RRM2B: variants seen among roughly 807,000 people sequenced by gnomAD.
The protein encoded by RRM2B is ribonucleoside-diphosphate reductase subunit M2 B.
Under a neutral mutation model 45.9 loss-of-function variants are expected in RRM2B, and 20 were observed. That is an observed-to-expected ratio of 0.44 (90% CI 0.31 to 0.63). The LOEUF is 0.63. Among genes scored for constraint, RRM2B ranks in the 30% least tolerant of loss-of-function variants. RRM2B has a pLI of 0.09. For synonymous variants in RRM2B, 124 were observed against 132.3 expected, an observed-to-expected ratio of 0.94 and a Z score of 0.43; for missense variants, 320 against 414.7, an observed-to-expected ratio of 0.77 and a Z score of 1.98.
At chr8:102,231,881 A>G (rs543414161) in intron 2 of RRM2B, among the ~76,000 whole-genome samples, 6 of 151,878 alleles carry the variant, frequency 4.0e-5, no homozygotes, top group South Asian at 4.1e-4. Flanking sequence ...AAAAAAAAAA[A>G]AAAAAGAAAA....
intron 2 of RRM2B, among the ~76,000 whole-genome samples, chr8:102,229,256 AC>A (rs1810986491): frequency 6.7e-6 from 1 of 150,370 alleles, no homozygotes; most frequent in Non-Finnish European, 1.5e-5. Flanking sequence ...TGTCTCAAAA[AC>A]AAAACAACAA....
rs1395600867 is a variant in RRM2B, at chr8:102,232,261, T to C, written c.92A>G (p.Glu31Gly). The change falls in exon 2 of 9, where the codon GAA becomes GGA. Residue 31 changes from glutamate (E) to glycine (G), a missense_variant. Physicochemically the swap from Glu to Gly is moderately conservative, Grantham distance 98. This residue lies in a region of RRM2B where 225 missense variants were observed against 289.4 expected (regional missense o/e 0.78). Transcript: ENST00000251810. Reference protein sequence around the residue: ...DTNESEIKSNEEPLLRKSSRR... With the variant: ...DTNESEIKSNGEPLLRKSSRR... Reference sequence around the variant, plus strand: ...AGAACTCTTTCTTAGGAGTGGCTCTTCATTTGACTTTATTTCACTTTCGTT... The same window carrying C: ...AGAACTCTTTCTTAGGAGTGGCTCTCCATTTGACTTTATTTCACTTTCGTT... The C allele has an allele frequency of 6.2e-7, 1 of 1,614,072 alleles. No homozygotes were observed. Among genetic ancestry groups the C allele is most frequent in the Non-Finnish European group, 8.5e-7 (1 of 1,180,008 alleles).
chr8:102,235,309 G>A (rs1384300022), intron 1 of RRM2B, among the ~76,000 whole-genome samples: 1 of 152,190 alleles, frequency 6.6e-6, no homozygotes, highest in East Asian at 1.9e-4. Context: ...CAAGGGGCAA[G>A]AACAGTTAAA....
At chr8:102,224,849 G>A (rs368435255) in intron 4 of RRM2B, 36 bp downstream of exon 4, 85 of 1,600,698 alleles carry the variant, frequency 5.3e-5, no homozygotes, top group East Asian at 8.9e-5. Context: ...TAACCAAGCC[G>A]TAAGCAATAT....
intron 1 of RRM2B, 22 bp from the exon 2 acceptor site, chr8:102,232,326 C>G: frequency 6.2e-7 from 1 of 1,610,724 alleles, no homozygotes; most frequent in Non-Finnish European, 8.5e-7. Context: ...AAAGTACAAA[C>G]ACGCCTTTTA....
intron 5 of RRM2B, among the ~76,000 whole-genome samples, chr8:102,220,215 G>A (rs1448201562): frequency 6.6e-6 from 1 of 152,130 alleles, no homozygotes; most frequent in East Asian, 1.9e-4. Flanking sequence ...CTCCAGCTGG[G>A]CGACAGAGTG....
At chr8:102,238,615 C>T (rs755909483) in intron 1 of RRM2B, 3 of 1,530,192 alleles carry the variant, frequency 2.0e-6, no homozygotes, top group South Asian at 2.4e-5. Context: ...GAGCAGCGAG[C>T]GGGACGCAAA....
chr8:102,213,743 T>TAA (rs879889632), intron 7 of RRM2B, among the ~76,000 whole-genome samples: 1 of 144,360 alleles, frequency 6.9e-6, no homozygotes, highest in Non-Finnish European at 1.5e-5. Flanking sequence ...ACTAAAAATG[T>TAA]AAAAAAAAAA....
chr8:102,222,430 A>G (rs1342368007), intron 5 of RRM2B, among the ~76,000 whole-genome samples: 3 of 152,184 alleles, frequency 2.0e-5, no homozygotes, highest in Non-Finnish European at 4.4e-5. Flanking sequence ...TATCTGCTTC[A>G]TCCCTGGTAT....
At chr8:102,220,337 T>TA (rs1208579230) in intron 5 of RRM2B, among the ~76,000 whole-genome samples, 1 of 152,252 alleles carries the variant, frequency 6.6e-6, no homozygotes, top group Non-Finnish European at 1.5e-5. Context: ...AACTTATTGA[T>TA]ACGTTTTTAA....
intron 5 of RRM2B, among the ~76,000 whole-genome samples, chr8:102,222,670 C>A (rs1222301715): frequency 6.6e-6 from 1 of 152,118 alleles, no homozygotes; most frequent in Non-Finnish European, 1.5e-5. Flanking sequence ...ATATTCCTCC[C>A]TTTTCTAACT....
Position 102,212,889 on chromosome 8 carries a change from C to G in RRM2B, c.790G>C (p.Glu264Gln), listed in dbSNP as rs1810659593. 2 of 1,527,592 alleles carry G rather than the reference C, an allele frequency of 1.3e-6. No homozygotes were observed. The highest frequency in any genetic ancestry group is 1.8e-6 in the Non-Finnish European group (2 of 1,101,662). 94.6% of individuals were successfully genotyped at this position (1,527,592 alleles called of 1,614,324 possible). A position where few individuals can be genotyped will look rare whatever the true frequency, so the allele number is the denominator to read the frequency against. The change falls in exon 8 of 9, where the codon GAG becomes CAG. Residue 264 changes from glutamate (E) to glutamine (Q), a missense_variant and splice_region_variant. Glu to Gln is a conservative substitution (Grantham distance 29, BLOSUM62 2). This residue lies in a region of RRM2B where 225 missense variants were observed against 289.4 expected (regional missense o/e 0.78). Transcript: ENST00000251810. ...IIVDAVKIEQ[E>Q]FLTEALPVGL... is the part of the protein sequence containing the mutation. ...ACTGGCAAGGCTTCTGTTAAAAACT[C>G]CTGGGATGAAAACAAAAACAGAATA...
chr8:102,230,770 C>A (rs1278119293), intron 2 of RRM2B, among the ~76,000 whole-genome samples: 1 of 152,182 alleles, frequency 6.6e-6, no homozygotes, highest in Non-Finnish European at 1.5e-5. Context: ...CCCTTCTGTG[C>A]ATAAAATAAT....
chr8:102,224,383 C>G (rs528723304), intron 4 of RRM2B, among the ~76,000 whole-genome samples: 237 of 152,226 alleles, frequency 1.6e-3, no homozygotes, highest in African/African-American at 5.4e-3. Flanking sequence ...ACTGTGTTAG[C>G]CAGGATGGTC....
chr8:102,218,533 C>G (rs3018505), intron 6 of RRM2B, among the ~76,000 whole-genome samples: 1 of 151,788 alleles, frequency 6.6e-6, no homozygotes, highest in African/African-American at 2.4e-5. Flanking sequence ...GCCTGGGCAA[C>G]GTGGTGAAGC....
chr8:102,222,603 A>G (rs1167598950), intron 5 of RRM2B, among the ~76,000 whole-genome samples: 1 of 152,196 alleles, frequency 6.6e-6, no homozygotes, highest in Non-Finnish European at 1.5e-5. Context: ...ATACTTTACA[A>G]TGGTATTTTC....
intron 1 of RRM2B, among the ~76,000 whole-genome samples, chr8:102,237,644 T>C (rs1811143914): frequency 6.6e-6 from 1 of 152,216 alleles, no homozygotes; most frequent in Non-Finnish European, 1.5e-5. Flanking sequence ...ATCATTGAGA[T>C]AGGAGTAATA....
At position 102,204,852 on chromosome 8, in the gene RRM2B, T is replaced by C. The variant is rs531713389; in HGVS notation, c.*3281A>G. 1.3e-5 allele frequency: 2 copies of C among 152,358 alleles called. No individual in the cohort carries two copies. Among genetic ancestry groups the C allele is most frequent in the South Asian group, 4.1e-4 (2 of 4,828 alleles). 9.4% of individuals were successfully genotyped at this position (152,358 alleles called of 1,614,324 possible). Reference sequence around the variant, plus strand: ...TAAGAATATTGTGACCTTATTTAACTGTACAAAAAGCAATCATTCTCTCCA... The same window carrying C: ...TAAGAATATTGTGACCTTATTTAACCGTACAAAAAGCAATCATTCTCTCCA... On this transcript the variant is annotated 3_prime_UTR_variant, in exon 9 of 9. Coordinates refer to ENST00000251810, the MANE Select transcript of RRM2B (RefSeq NM_015713.5).
At position 102,225,055 on chromosome 8, in the gene RRM2B, T is replaced by C. The variant is rs28928572; in HGVS notation, c.322-37A>G. On this transcript the variant is annotated intron_variant, in intron 3 of 8. Coordinates refer to ENST00000251810, the MANE Select transcript of RRM2B (RefSeq NM_015713.5). ...AGGAAAATAGATATATCCAGTTCTA[T>C]AGGCTCTCATTAAACACTGCAAATC... 34,093 of 1,610,068 alleles carry C rather than the reference T, an allele frequency of 0.021. 619 individuals are homozygous for C. The highest frequency in any genetic ancestry group is 0.092 in the African/African-American group (6,881 of 74,820).
Sources: allele counts gnomAD v4.1 joint callset (sites outside exome capture counted in the v4.1 genomes callset), GRCh38; gene constraint gnomAD v4.1.1; regional missense constraint gnomAD v4.1.1; transcripts MANE v1.5; gene names NCBI Gene and HGNC (gene_info 2026-07-23, HGNC 2026-07-21).